The following CYP27B1 variants were observed in gnomAD, a reference collection of about 807,000 sequenced individuals.
The protein encoded by CYP27B1 is 25-hydroxyvitamin D-1 alpha hydroxylase, mitochondrial.
CYP27B1 carries 46 observed loss-of-function variants against 54.8 expected under a neutral mutation model. The ratio of observed to expected loss-of-function variants is 0.84; its 90% confidence interval spans 0.66 to 1.07. CYP27B1 has a LOEUF of 1.07. CYP27B1 is among the 50% of genes least tolerant of loss of function. The probability of loss-of-function intolerance (pLI) is 0.00; values close to 1 mark genes in which losing one functional copy is unlikely to be tolerated. For synonymous variants in CYP27B1, 292 were observed against 297.3 expected, an observed-to-expected ratio of 0.98 and a Z score of 0.18; for missense variants, 674 against 692.2, an observed-to-expected ratio of 0.97 and a Z score of 0.30.
rs1271355338 is a variant in CYP27B1 at position 57,765,350 on chromosome 12, G to A, written c.536C>T (p.Pro179Leu). The stretch of plus-strand genomic sequence containing the variant: ...CGCCACGTCCCGAACCAGGGCGGGC[G>A]GCCCCGTGCCACGTCCCCGCTGGCG... The part of the protein sequence containing the change: ...LRRQRGRGTG[P>L]PALVRDVAGE... The change falls in exon 3 of 9, where the codon CCG becomes CTG. Residue 179 changes from proline to leucine, a missense_variant. Physicochemically the swap from Pro to Leu is moderately conservative, Grantham distance 98. Coordinates refer to ENST00000228606, the MANE Select transcript of CYP27B1 (RefSeq NM_000785.4). This position sits in a 1 kb window ranked among gnomAD's most constrained non-coding sequence, Gnocchi z 5.8. 6.2e-7 allele frequency: 1 copy of A among 1,613,464 alleles called. No individual in the cohort carries two copies. The highest frequency in any genetic ancestry group is 8.5e-7 in the Non-Finnish European group (1 of 1,179,806).
chr12:57,766,581 C>A, intron 1 of CYP27B1: 3 of 585,806 alleles, frequency 5.1e-6, no homozygotes, highest in Non-Finnish European at 9.1e-6. Flanking sequence ...CGGCCTCCCC[C>A]TCCCGCGCAC....
rs544367663 is a variant in CYP27B1, at chr12:57,765,761, C to G, written c.386+246G>C. On this transcript the variant is annotated intron_variant, in intron 2 of 8. Transcript: ENST00000228606. The surrounding 1 kb of genome is among the most constrained non-coding windows in gnomAD (Gnocchi z 5.8). ...TTCCATCCAGATCCTTGTACCCTAG[C>G]CCAATTCCTCCGGTTCCCCCAGTTC... is the stretch of plus-strand genomic sequence containing the variant. 6 of 823,608 alleles carry G rather than the reference C, an allele frequency of 7.3e-6. No homozygotes were observed. The highest frequency in any genetic ancestry group is 1.1e-5 in the Non-Finnish European group (6 of 532,812). 51.0% of individuals were successfully genotyped at this position (823,608 alleles called of 1,614,324 possible).
Position 57,762,935 on chromosome 12 carries a change from C to A in CYP27B1, c.*207G>T. Reference sequence around the variant, plus strand: ...CAGAAGGGCCAAGCAAGCAGAGAGACCATGGTTTTCTCACCTGGCTTCCTG... The same window carrying A: ...CAGAAGGGCCAAGCAAGCAGAGAGAACATGGTTTTCTCACCTGGCTTCCTG... On this transcript the variant is annotated 3_prime_UTR_variant, in exon 9 of 9. Transcript: ENST00000228606. 1.7e-6 allele frequency: 1 copy of A among 580,148 alleles called. No homozygotes were observed. The highest frequency in any genetic ancestry group is 3.2e-5 in the East Asian group (1 of 31,606). 35.9% of individuals were successfully genotyped at this position (580,148 alleles called of 1,614,324 possible).
At position 57,763,253 on chromosome 12, in the gene CYP27B1, G is replaced by T; in HGVS notation, c.1416C>A (p.Ile472=). 1 of 1,611,310 alleles carries T rather than the reference G, an allele frequency of 6.2e-7. No individual in the cohort carries two copies. The highest frequency in any genetic ancestry group is 8.5e-7 in the Non-Finnish European group (1 of 1,177,544). Residue 472 remains isoleucine, a splice_region_variant and synonymous_variant, in exon 9 of 9, where the codon ATC becomes ATA. Coordinates refer to ENST00000228606, the MANE Select transcript of CYP27B1 (RefSeq NM_000785.4). ...CAGGCTGCACCTCAAAATGTGTTAG[G>T]ATCTGGAAAGGGAAGAAGGTGAGCA... ...ELELQMALAQ[I]LTHFEVQPEP... is the part of the protein sequence containing the mutation.
At position 57,763,070 on chromosome 12, in the gene CYP27B1, G is replaced by T; in HGVS notation, c.*72C>A. ...GCATTAGGGGAAGATGTATACCTTG[G>T]TCTTGTGCCTACAAAAAATCTTATC... is the stretch of plus-strand genomic sequence containing the variant. On this transcript the variant is annotated 3_prime_UTR_variant, in exon 9 of 9. Transcript: ENST00000228606. 1 of 1,072,856 alleles carries T rather than the reference G, an allele frequency of 9.3e-7. No individual in the cohort carries two copies. Among genetic ancestry groups the T allele is most frequent in the Non-Finnish European group, 1.4e-6 (1 of 703,226 alleles). The allele number at this position is 1,072,856 out of a possible 1,614,324, so 66.5% of individuals were successfully genotyped here. A position where few individuals can be genotyped will look rare whatever the true frequency, so the allele number is the denominator to read the frequency against.
Position 57,763,642 on chromosome 12 carries a change from G to A in CYP27B1, c.1382C>T (p.Ala461Val). ...GKRSCMGRRL[A>V]ELELQMALAQ... is the part of the protein sequence containing the mutation. The stretch of plus-strand genomic sequence containing the variant: ...CAAAGCCATTTGCAATTCAAGCTCT[G>A]CCAGGCGTCTCCCCATACAGCTGCG... Residue 461 changes from alanine (A) to valine (V), a missense_variant, in exon 8 of 9, where the codon GCA (alanine) becomes GTA (valine). Transcript: ENST00000228606. The A allele has an allele frequency of 6.2e-7, 1 of 1,614,022 alleles. No homozygotes were observed. The highest frequency in any genetic ancestry group is 1.3e-5 in the African/African-American group (1 of 74,972).
intron 1 of CYP27B1, chr12:57,766,443 C>A: frequency 1.8e-6 from 1 of 568,286 alleles, no homozygotes; most frequent in East Asian, 3.0e-5. Flanking sequence ...CCTCTCTGAT[C>A]ATCTCGGTCG....
At chr12:57,763,544 G>A (rs190694526) in intron 8 of CYP27B1, 67 bp downstream of exon 8, 29 of 1,376,702 alleles carry the variant, frequency 2.1e-5, no homozygotes, top group Non-Finnish European at 2.4e-5. Context: ...TCAGGGGAAA[G>A]AGCTCACAAC....
At position 57,763,078 on chromosome 12, in the gene CYP27B1, C is replaced by T; in HGVS notation, c.*64G>A. On this transcript the variant is annotated 3_prime_UTR_variant, in exon 9 of 9. Transcript: ENST00000228606. Reference sequence around the variant, plus strand: ...GGAAGATGTATACCTTGGTCTTGTGCCTACAAAAAATCTTATCCCTATGAT... The same window carrying T: ...GGAAGATGTATACCTTGGTCTTGTGTCTACAAAAAATCTTATCCCTATGAT... 1.7e-6 allele frequency: 2 copies of T among 1,185,414 alleles called. No individual in the cohort carries two copies. Among genetic ancestry groups the T allele is most frequent in the East Asian group, 2.4e-5 (1 of 41,796 alleles). 73.4% of individuals were successfully genotyped at this position (1,185,414 alleles called of 1,614,324 possible).
At chr12:57,764,297 A>G (rs755675782) in intron 6 of CYP27B1, 81 bp downstream of exon 6, 22 of 1,589,958 alleles carry the variant, frequency 1.4e-5, no homozygotes, top group Non-Finnish European at 1.9e-5. Flanking sequence ...TTTCTCTGCT[A>G]TCTCCCTGCT....
rs1289339582 is a variant in CYP27B1, at chr12:57,764,901, C to G, written c.816G>C (p.Glu272Asp). ...CTCCGTTCCTCATGGCTGCCTCTGC[C>G]TCTCGCCGCTCCACGTGCCTCTGAG... is the stretch of plus-strand genomic sequence containing the variant. ...AFAQRHVERR[E>D]AEAAMRNGGQ... Residue 272 changes from glutamate to aspartate, a missense_variant, in exon 5 of 9, where the codon GAG (glutamate) becomes GAC (aspartate). By Grantham distance (45) the Glu-to-Asp change is conservative (BLOSUM62 2). Transcript: ENST00000228606. 1.1e-5 allele frequency: 17 copies of G among 1,614,190 alleles called. No individual in the cohort carries two copies. Among genetic ancestry groups the G allele is most frequent in the Non-Finnish European group, 1.4e-5 (17 of 1,180,040 alleles).
In CYP27B1 at chr12:57,765,206, C is replaced by T; in HGVS notation, c.595G>A (p.Ala199Thr). 6.2e-7 allele frequency: 1 copy of T among 1,612,468 alleles called. No homozygotes were observed. Among genetic ancestry groups the T allele is most frequent in the Non-Finnish European group, 8.5e-7 (1 of 1,179,418 alleles). The change falls in exon 4 of 9, where the codon GCC becomes ACC. Residue 199 changes from alanine (A) to threonine (T), a missense_variant. Coordinates refer to ENST00000228606, the MANE Select transcript of CYP27B1 (RefSeq NM_000785.4). This position sits in a 1 kb window ranked among gnomAD's most constrained non-coding sequence, Gnocchi z 5.8. ...EFYKFGLEGI[A>T]AVLLGSRLGC... is the part of the protein sequence containing the mutation. ...AAGCGCGAGCCGAGCAGAACCGCGG[C>T]GATGCCTTGTCGGGAGGGGGCGCCG...
At chr12:57,766,708 T>A (rs181180650) in intron 1 of CYP27B1, 139 bp downstream of exon 1, 97 of 953,234 alleles carry the variant, frequency 1.0e-4, no homozygotes, top group Middle Eastern at 6.6e-4. Context: ...GCCCCCAGCC[T>A]CAACTCGCCT....
intron 8 of CYP27B1, 82 bp downstream of exon 8, chr12:57,763,529 G>A (rs1955335033): frequency 8.1e-7 from 1 of 1,240,760 alleles, no homozygotes. Flanking sequence ...GATTTCCTAT[G>A]CTTGTCAGGG....
rs757859131 is a variant in CYP27B1, at chr12:57,765,352, C to T, written c.534G>A (p.Gly178=). The T allele has an allele frequency of 6.8e-6, 11 of 1,613,468 alleles. No homozygotes were observed. The South Asian group carries it at 1.2e-4, about 18-fold the overall frequency. Residue 178 remains glycine, a synonymous_variant, in exon 3 of 9, where the codon GGG becomes GGA. Coordinates refer to ENST00000228606, the MANE Select transcript of CYP27B1 (RefSeq NM_000785.4). The surrounding 1 kb of genome is among the most constrained non-coding windows in gnomAD (Gnocchi z 5.8). ...CCACGTCCCGAACCAGGGCGGGCGG[C>T]CCCGTGCCACGTCCCCGCTGGCGCC... The part of the protein sequence containing the change: ...RLRRQRGRGT[G]PPALVRDVAG...
rs751262543 is a variant in CYP27B1, at chr12:57,763,662, G to A, written c.1362C>T (p.Ser454=). 3 of 1,613,696 alleles carry A rather than the reference G, an allele frequency of 1.9e-6. No homozygotes were observed. The South Asian group carries it at 3.3e-5, about 18-fold the overall frequency. Reference sequence around the variant, plus strand: ...GCTCTGCCAGGCGTCTCCCCATACAGCTGCGCTTGCCAAAGCCAAAGGGAA... The same window carrying A: ...GCTCTGCCAGGCGTCTCCCCATACAACTGCGCTTGCCAAAGCCAAAGGGAA... ...ASLPFGFGKR[S]CMGRRLAELE... Residue 454 remains serine, a synonymous_variant, in exon 8 of 9, where the codon AGC becomes AGT. Coordinates refer to ENST00000228606, the MANE Select transcript of CYP27B1 (RefSeq NM_000785.4).
chr12:57,765,970 C>A lies in CYP27B1; in HGVS notation c.386+37G>T, dbSNP rs1174531310. On this transcript the variant is annotated intron_variant, in intron 2 of 8. Transcript: ENST00000228606. The surrounding 1 kb of genome is among the most constrained non-coding windows in gnomAD (Gnocchi z 5.8). ...GACCCGCAGCAGGAGAGGGCCGCTG[C>A]AGGGCGTCTGGGCTTCTGGGGGCAG... is the stretch of plus-strand genomic sequence containing the variant. 6.6e-7 allele frequency: 1 copy of A among 1,514,686 alleles called. No individual in the cohort carries two copies. The allele number at this position is 1,514,686 out of a possible 1,614,324, so 93.8% of individuals were successfully genotyped here. A position where few individuals can be genotyped will look rare whatever the true frequency, so the allele number is the denominator to read the frequency against.
chr12:57,766,959 C>G lies in CYP27B1; in HGVS notation c.83G>C (p.Arg28Pro). ...APELGASLGY[R>P]EYHSARRSLA... ...GCTCCGGCGTGCTGAGTGGTACTCT[C>G]GGTAGCCTAGGGAGGCGCCCAACTC... is the stretch of plus-strand genomic sequence containing the variant. Residue 28 changes from arginine to proline, a missense_variant, in exon 1 of 9, where the codon CGA becomes CCA. Coordinates refer to ENST00000228606, the MANE Select transcript of CYP27B1 (RefSeq NM_000785.4). The G allele has an allele frequency of 6.2e-7, 1 of 1,614,178 alleles. No homozygotes were observed. The highest frequency in any genetic ancestry group is 8.5e-7 in the Non-Finnish European group (1 of 1,180,018).
At chr12:57,763,990 G>A in intron 7 of CYP27B1, 108 bp downstream of exon 7, 1 of 1,103,572 alleles carries the variant, frequency 9.1e-7, no homozygotes, top group South Asian at 1.3e-5. Flanking sequence ...CCTAGAGAGG[G>A]GTCAAGGGGA....
Sources: allele counts gnomAD v4.1 joint callset, GRCh38; gene constraint gnomAD v4.1.1; non-coding constraint Gnocchi (gnomAD v3.1); transcripts MANE v1.5; gene names NCBI Gene and HGNC (gene_info 2026-07-23, HGNC 2026-07-21).